Variants in CCDC73 observed in about 807,000 individuals in gnomAD.
CCDC73 encodes the protein coiled-coil domain containing 73.
Under a neutral mutation model 116.5 loss-of-function variants are expected in CCDC73, and 95 were observed. The observed-to-expected ratio is 0.82, with a 90% CI of 0.69 to 0.97. The LOEUF (loss-of-function observed/expected upper bound fraction) is 0.97. CCDC73 is among the 50% of genes least tolerant of loss of function. The pLI is 0.00. For synonymous variants in CCDC73, 398 were observed against 401.3 expected, an observed-to-expected ratio of 0.99 and a Z score of 0.10; for missense variants, 1,066 against 1,206.8, an observed-to-expected ratio of 0.88 and a Z score of 1.73.
At position 32,702,810 on chromosome 11, in the gene CCDC73, C is replaced by T. The variant is rs1849825551; in HGVS notation, c.279+63G>A. 4 of 1,110,378 alleles carry T rather than the reference C, an allele frequency of 3.6e-6. No individual in the cohort carries two copies. In the East Asian group the frequency reaches 9.4e-5, roughly 26 times the overall value. The allele number at this position is 1,110,378 out of a possible 1,614,324, so 68.8% of individuals were successfully genotyped here. On this transcript the variant is annotated intron_variant, in intron 4 of 17. Transcript: ENST00000335185. The stretch of plus-strand genomic sequence containing the variant: ...ATGGAGAACAGCTTGCCATAATATT[C>T]ATAGGAGGGGGAGGAAATGCAATAT...
chr11:32,625,614 C>T (rs1164496926), intron 14 of CCDC73, among the ~76,000 whole-genome samples: 1 of 152,168 alleles, frequency 6.6e-6, no homozygotes, highest in Non-Finnish European at 1.5e-5. Context: ...GGCCCCCACT[C>T]TCTTCTGGCT....
chr11:32,789,151 G>A (rs7927900), intron 1 of CCDC73, among the ~76,000 whole-genome samples: 1 of 151,844 alleles, frequency 6.6e-6, no homozygotes, highest in Non-Finnish European at 1.5e-5. Flanking sequence ...AACAGTTAAT[G>A]GAGAAGGATT....
chr11:32,629,974 A>AAAT (rs1855616986), intron 14 of CCDC73, among the ~76,000 whole-genome samples: 1 of 151,352 alleles, frequency 6.6e-6, no homozygotes, highest in African/African-American at 2.4e-5. Context: ...CAGGTTGAAG[A>AAAT]AATATACCAG....
the CCDC73 span, among the ~76,000 whole-genome samples, chr11:32,812,601 G>A: frequency 2.6e-5 from 4 of 151,936 alleles, no homozygotes; most frequent in South Asian, 4.2e-4. Context: ...CCCAGGAGGC[G>A]GAGGTTGTGG....
chr11:32,683,273 T>C (rs1052644767), intron 7 of CCDC73: 13 of 401,872 alleles, frequency 3.2e-5, no homozygotes, highest in East Asian at 1.7e-4. Context: ...GTTTCCAATT[T>C]TGAAGCATTT....
chr11:32,703,911 T>C (rs1301865020), intron 3 of CCDC73, among the ~76,000 whole-genome samples: 1 of 152,238 alleles, frequency 6.6e-6, no homozygotes, highest in Non-Finnish European at 1.5e-5. Flanking sequence ...GGCAACCACT[T>C]TCAAATTTTT....
At chr11:32,755,534 AAAATAT>A (rs1189549048) in intron 2 of CCDC73, among the ~76,000 whole-genome samples, 1 of 52,044 alleles carries the variant, frequency 1.9e-5, no homozygotes, top group African/African-American at 7.7e-5. Flanking sequence ...ACTCCATCTC[AAAATAT>A]ATATATATAT....
chr11:32,637,684 T>C (rs777847863), intron 13 of CCDC73, among the ~76,000 whole-genome samples: 2 of 151,902 alleles, frequency 1.3e-5, no homozygotes, highest in African/African-American at 2.4e-5. Context: ...AAATATTGGC[T>C]TTTCCCAAGG....
chr11:32,706,486 G>A (rs1351201102), intron 3 of CCDC73, among the ~76,000 whole-genome samples: 1 of 152,182 alleles, frequency 6.6e-6, no homozygotes, highest in Non-Finnish European at 1.5e-5. Flanking sequence ...AGAGGAGAGT[G>A]CCTCTTGGTA....
At chr11:32,760,284 A>G in intron 1 of CCDC73, 26 bp from the exon 2 acceptor site, 1 of 1,177,596 alleles carries the variant, frequency 8.5e-7, no homozygotes, top group Non-Finnish European at 1.1e-6. Context: ...GTCTTAACTG[A>G]AAAAAAATTA....
intron 2 of CCDC73, among the ~76,000 whole-genome samples, chr11:32,732,549 A>G (rs972689924): frequency 1.3e-5 from 2 of 152,260 alleles, no homozygotes; most frequent in African/African-American, 2.4e-5. Flanking sequence ...AGGGAAGCCC[A>G]TCAGACTAAC....
At chr11:32,737,870 C>T (rs1850149479) in intron 2 of CCDC73, among the ~76,000 whole-genome samples, 1 of 152,006 alleles carries the variant, frequency 6.6e-6, no homozygotes, top group Non-Finnish European at 1.5e-5. Context: ...CTCTAGTAAC[C>T]ATCATTCTAC....
intron 14 of CCDC73, among the ~76,000 whole-genome samples, chr11:32,633,948 A>G (rs1273921703): frequency 6.6e-6 from 1 of 152,188 alleles, no homozygotes; most frequent in Non-Finnish European, 1.5e-5. Flanking sequence ...CTTTCTAAGT[A>G]CAGCATTCAC....
upstream of CCDC73, among the ~76,000 whole-genome samples, chr11:32,797,466 A>C (rs900936276): frequency 6.6e-6 from 1 of 152,066 alleles, no homozygotes; most frequent in Non-Finnish European, 1.5e-5. Flanking sequence ...CTATCTAAAA[A>C]CACTTTCTCA....
chr11:32,762,421 T>C (rs1362043652), intron 1 of CCDC73, among the ~76,000 whole-genome samples: 1 of 152,150 alleles, frequency 6.6e-6, no homozygotes, highest in Non-Finnish European at 1.5e-5. Context: ...CTATAGCTCT[T>C]ATGGAGTCTG....
At chr11:32,635,147 T>C (rs188423941) in intron 14 of CCDC73, among the ~76,000 whole-genome samples, 4 of 148,678 alleles carry the variant, frequency 2.7e-5, no homozygotes, top group African/African-American at 7.5e-5. Flanking sequence ...AGCTATACCA[T>C]GTTCATCGAC....
At chr11:32,666,678 C>T (rs1855985684) in intron 9 of CCDC73, among the ~76,000 whole-genome samples, 1 of 152,244 alleles carries the variant, frequency 6.6e-6, no homozygotes, top group Non-Finnish European at 1.5e-5. Flanking sequence ...CATTCTCCAT[C>T]CAGCTTTGTT....
intron 14 of CCDC73, among the ~76,000 whole-genome samples, chr11:32,631,725 C>T (rs923656199): frequency 4.6e-5 from 7 of 151,890 alleles, no homozygotes; most frequent in African/African-American, 1.7e-4. Flanking sequence ...TGGTGTGCAC[C>T]CATAGTCAGG....
chr11:32,608,586 G>A (rs1855384044), intron 17 of CCDC73, among the ~76,000 whole-genome samples: 1 of 152,152 alleles, frequency 6.6e-6, no homozygotes. Flanking sequence ...CAAGCTGTTG[G>A]TGGATCTACC....
Sources: allele counts gnomAD v4.1 joint callset (sites outside exome capture counted in the v4.1 genomes callset), GRCh38; gene constraint gnomAD v4.1.1; transcripts MANE v1.5; gene names NCBI Gene and HGNC (gene_info 2026-07-23, HGNC 2026-07-21).